Variants in ANKRD6 observed in about 807,000 individuals in gnomAD.
The protein encoded by ANKRD6 is ankyrin repeat domain 6.
A neutral mutation model predicts 82.3 loss-of-function variants in ANKRD6; 56 were observed. The observed-to-expected ratio is 0.68, with a 90% CI of 0.55 to 0.85. The LOEUF is 0.85. ANKRD6 is among the 40% of genes least tolerant of loss of function. ANKRD6 has a pLI of 0.00. For synonymous variants in ANKRD6, 347 were observed against 352.1 expected, an observed-to-expected ratio of 0.99 and a Z score of 0.16; for missense variants, 852 against 907.6, an observed-to-expected ratio of 0.94 and a Z score of 0.79.
intron 1 of ANKRD6, among the ~76,000 whole-genome samples, chr6:89,460,882 C>A (rs1281831742): frequency 6.6e-6 from 1 of 150,904 alleles, no homozygotes; most frequent in East Asian, 1.9e-4. Context: ...CTGGAATGTA[C>A]TAATACTACA....
At chr6:89,475,203 A>T (rs1775902489) in intron 1 of ANKRD6, among the ~76,000 whole-genome samples, 1 of 152,228 alleles carries the variant, frequency 6.6e-6, no homozygotes, top group South Asian at 2.1e-4. Context: ...GAATAGATGC[A>T]TGAAAATACA....
intron 1 of ANKRD6, among the ~76,000 whole-genome samples, chr6:89,566,091 C>A (rs900637782): frequency 1.3e-5 from 2 of 152,218 alleles, no homozygotes; most frequent in African/African-American, 2.4e-5. Flanking sequence ...TTTAGTGTTC[C>A]ATAGGTGGTT....
intron 1 of ANKRD6, among the ~76,000 whole-genome samples, chr6:89,507,181 G>A (rs943446535): frequency 5.3e-5 from 8 of 152,136 alleles, no homozygotes; most frequent in African/African-American, 1.7e-4. Context: ...GTTTATATTT[G>A]AAGAAAATAA....
intron 9 of ANKRD6, 75 bp downstream of exon 9, chr6:89,618,106 A>G (rs1256694888): frequency 1.3e-6 from 2 of 1,493,468 alleles, no homozygotes; most frequent in Non-Finnish European, 1.9e-6. Context: ...GTTGCAATCT[A>G]CTGAAGCCTC....
intron 1 of ANKRD6, among the ~76,000 whole-genome samples, chr6:89,480,959 A>AT (rs1554218476): frequency 6.7e-5 from 10 of 148,968 alleles, no homozygotes; most frequent in African/African-American, 2.5e-4. Flanking sequence ...AAAAAAATAG[A>AT]AGAAGAAGAA....
In ANKRD6 at chr6:89,603,030, G is replaced by A. The variant is rs1248358654; in HGVS notation, c.221G>A (p.Gly74Glu). The change falls in exon 4 of 16, where the codon GGG (glycine) becomes GAG (glutamate). Residue 74 changes from glycine (G) to glutamate (E), a missense_variant and splice_region_variant. Coordinates refer to ENST00000339746, the MANE Select transcript of ANKRD6 (RefSeq NM_001242809.2). ...AGCDLDVQDD[G>E]DQTALHRATV... ...TCCTGCCTTTGTGTCACTTTGCAGG[G>A]GGACCAGACCGCCTTGCACCGGGCC... The A allele has an allele frequency of 6.2e-7, 1 of 1,601,340 alleles. No individual in the cohort carries two copies. The highest frequency in any genetic ancestry group is 8.5e-7 in the Non-Finnish European group (1 of 1,174,466).
At position 89,616,656 on chromosome 6, in the gene ANKRD6, A is replaced by G; in HGVS notation, c.713A>G (p.Asn238Ser). The change falls in exon 8 of 16, where the codon AAT (asparagine) becomes AGT (serine). Residue 238 changes from asparagine (N) to serine (S), a missense_variant and splice_region_variant. Physicochemically the swap from Asn to Ser is conservative, Grantham distance 46 (BLOSUM62 1). Transcript: ENST00000339746. ...GGAGCAGATACGACCATTGTTAACA[A>G]TGTAAGTTGAGTTGCAACATTGCTT... Reference protein sequence around the residue: ...EAGADTTIVNNAGQTPLETAR... With the variant: ...EAGADTTIVNSAGQTPLETAR... 6.2e-7 allele frequency: 1 copy of G among 1,613,872 alleles called. No homozygotes were observed. The highest frequency in any genetic ancestry group is 8.5e-7 in the Non-Finnish European group (1 of 1,179,764).
At position 89,595,935 on chromosome 6, in the gene ANKRD6, A is replaced by T; in HGVS notation, c.140A>T (p.His47Leu). ...TCACAGCATGGCCGGACTCCCCTGC[A>T]TCTTGCTGCCAATAAGGGCCATCTT... ...AVTKHGRTPL[H>L]LAANKGHLPV... Residue 47 changes from histidine to leucine, a missense_variant, in exon 3 of 16, where the codon CAT becomes CTT. Coordinates refer to ENST00000339746, the MANE Select transcript of ANKRD6 (RefSeq NM_001242809.2). 2 of 1,609,782 alleles carry T rather than the reference A, an allele frequency of 1.2e-6. No homozygotes were observed. Among genetic ancestry groups the T allele is most frequent in the Non-Finnish European group, 1.7e-6 (2 of 1,178,172 alleles).
rs368296229 is a variant in ANKRD6, at chr6:89,621,906, C to T, written c.793-16C>T. On this transcript the variant is annotated splice_polypyrimidine_tract_variant and intron_variant, in intron 9 of 15. Transcript: ENST00000339746. ...CGCACACCAGTGGTTGTAACAATGC[C>T]GTTTGCCTCCTTCAGGTCTTGCGCT... 57 of 1,612,158 alleles carry T rather than the reference C, an allele frequency of 3.5e-5. No individual in the cohort carries two copies. The highest frequency in any genetic ancestry group is 6.7e-5 in the African/African-American group (5 of 74,876).
chr6:89,579,497 G>T (rs1456577921), intron 2 of ANKRD6, among the ~76,000 whole-genome samples: 5 of 152,136 alleles, frequency 3.3e-5, no homozygotes, highest in African/African-American at 1.2e-4. Flanking sequence ...AAGGCCGGGT[G>T]CAGTGGCTCA....
At chr6:89,507,641 G>A (rs1780033042) in intron 1 of ANKRD6, among the ~76,000 whole-genome samples, 1 of 152,148 alleles carries the variant, frequency 6.6e-6, no homozygotes, top group Admixed American at 6.5e-5. Flanking sequence ...TGATATTATG[G>A]TAATTCCTTG....
rs138689380 is a variant in ANKRD6, at chr6:89,433,215, G to A, written c.-304G>A. 1,561 of 151,670 alleles carry A rather than the reference G, an allele frequency of 0.01. 20 individuals carry two copies. Among genetic ancestry groups the A allele is most frequent in the Middle Eastern group, 0.045 (13 of 292 alleles). The allele number at this position is 151,670 out of a possible 1,614,324, so 9.4% of individuals were successfully genotyped here. On this transcript the variant is annotated 5_prime_UTR_variant, in exon 1 of 16. Transcript: ENST00000339746. The surrounding 1 kb of genome is among the most constrained non-coding windows in gnomAD (Gnocchi z 4.3). ...CAGGTAACCCGCAGGAGCCGAGAGCGCTGCCTGGCGCGCGGGCGGCTGGAG... is the reference window on the plus strand; with the variant it reads ...CAGGTAACCCGCAGGAGCCGAGAGCACTGCCTGGCGCGCGGGCGGCTGGAG...
rs1770198200 is a variant in ANKRD6, at chr6:89,433,408, C to G, written c.-144+33C>G. ...GCGACCTCGCCGGCTCCCTGGGACC[C>G]CCGCTTACACCGGGGTGGGCGCCTC... On this transcript the variant is annotated intron_variant, in intron 1 of 15. Transcript: ENST00000339746. The surrounding 1 kb of genome is among the most constrained non-coding windows in gnomAD (Gnocchi z 4.3). The G allele has an allele frequency of 6.6e-6, 1 of 152,234 alleles. No individual in the cohort carries two copies. Among genetic ancestry groups the G allele is most frequent in the African/African-American group, 2.4e-5 (1 of 41,462 alleles). 9.4% of individuals were successfully genotyped at this position (152,234 alleles called of 1,614,324 possible).
chr6:89,585,967 G>GA (rs1203300890), intron 2 of ANKRD6, among the ~76,000 whole-genome samples: 2 of 152,090 alleles, frequency 1.3e-5, no homozygotes, highest in African/African-American at 2.4e-5. Context: ...TTATCAACAA[G>GA]AAAAAATCCA....
intron 1 of ANKRD6, among the ~76,000 whole-genome samples, chr6:89,451,651 G>T (rs973031160): frequency 3.3e-5 from 5 of 152,106 alleles, no homozygotes; most frequent in Admixed American, 2.0e-4. Flanking sequence ...TTCTGTCATT[G>T]TACGTCCTAA....
chr6:89,578,906 C>T (rs1008933679), intron 2 of ANKRD6, among the ~76,000 whole-genome samples: 2 of 152,282 alleles, frequency 1.3e-5, no homozygotes, highest in Middle Eastern at 3.4e-3. Context: ...CATGTAGGCA[C>T]TCCTGACCCT....
chr6:89,536,489 A>G (rs1247000202), intron 1 of ANKRD6, among the ~76,000 whole-genome samples: 1 of 152,244 alleles, frequency 6.6e-6, no homozygotes, highest in Non-Finnish European at 1.5e-5. Context: ...TTTCAGGCTC[A>G]GAGTGGTGGA....
intron 1 of ANKRD6, among the ~76,000 whole-genome samples, chr6:89,472,769 C>T (rs553535733): frequency 5.3e-5 from 8 of 152,130 alleles, no homozygotes; most frequent in Admixed American, 3.9e-4. Flanking sequence ...TCATCCCATT[C>T]AGAGACGGTT....
chr6:89,534,656 C>G (rs1783607614), intron 1 of ANKRD6, among the ~76,000 whole-genome samples: 1 of 152,132 alleles, frequency 6.6e-6, no homozygotes, highest in South Asian at 2.1e-4. Context: ...CTGCTGTGCC[C>G]AGGGACTTTC....
Sources: gnomAD v4.1 joint callset for allele counts (sites outside exome capture counted in the v4.1 genomes callset) on GRCh38, gnomAD v4.1.1 for gene constraint, Gnocchi (gnomAD v3.1) non-coding constraint, MANE v1.5 for transcripts, NCBI Gene and HGNC (gene_info 2026-07-23, HGNC 2026-07-21) for gene names.